The following METTL15 variants were observed in gnomAD, a reference collection of about 807,000 sequenced individuals.
METTL15 encodes 12S rRNA N(4)-cytidine methyltransferase METTL15.
A neutral mutation model predicts 38.3 loss-of-function variants in METTL15; 34 were observed. The ratio of observed to expected loss-of-function variants is 0.89; its 90% CI spans 0.68 to 1.18. The LOEUF (loss-of-function observed/expected upper bound fraction) is 1.18. METTL15 is among the 50% of genes most tolerant of loss of function. The pLI is 0.00. For missense variants in METTL15, 438 were observed against 498.4 expected, an observed-to-expected ratio of 0.88 and a Z score of 1.15; for synonymous variants, 162 against 170.9, an observed-to-expected ratio of 0.95 and a Z score of 0.41.
intron 5 of METTL15, among the ~76,000 whole-genome samples, chr11:28,384,312 T>G (rs1277302260): frequency 1.3e-5 from 2 of 150,408 alleles, no homozygotes; most frequent in African/African-American, 4.9e-5. Context: ...TTTTCTTTCT[T>G]TCTTTTTTTT....
rs1174856499 is a variant in METTL15, at chr11:28,160,213, A to AAT, written c.270+46622_270+46623dup. Among the ~76,000 whole-genome samples, 87 of 151,132 alleles carry AAT rather than the reference A, an allele frequency of 5.8e-4. 1 individual carries two copies. In the East Asian group the frequency reaches 9.7e-3, roughly 17 times the overall value. ...AACTGAGTTCCATGCAATATAATGG[A>AAT]ATATATATATATATTCCATTAGTTA... On this transcript the variant is annotated intron_variant, in intron 3 of 6. Transcript: ENST00000407364.
At chr11:28,130,075 T>C (rs1427492683) in intron 3 of METTL15, among the ~76,000 whole-genome samples, 1 of 152,062 alleles carries the variant, frequency 6.6e-6, no homozygotes, top group Non-Finnish European at 1.5e-5. Context: ...TTTGAGAGGC[T>C]GTAATTGGAG....
At chr11:28,138,247 A>T (rs1849579882) in intron 3 of METTL15, among the ~76,000 whole-genome samples, 1 of 152,208 alleles carries the variant, frequency 6.6e-6, no homozygotes, top group Non-Finnish European at 1.5e-5. Context: ...GAGAAAAATA[A>T]TTCATTTGAC....
intron 6 of METTL15, among the ~76,000 whole-genome samples, chr11:28,475,305 C>G (rs1851336600): frequency 6.6e-6 from 1 of 152,194 alleles, no homozygotes; most frequent in South Asian, 2.1e-4. Flanking sequence ...TTGCATGATC[C>G]TCTTCACCAG....
chr11:28,236,442 T>A (rs1333402408), intron 4 of METTL15, among the ~76,000 whole-genome samples: 4 of 152,172 alleles, frequency 2.6e-5, no homozygotes, highest in African/African-American at 9.7e-5. Flanking sequence ...GGTCCTGGAC[T>A]CTTTTTGGTT....
intron 6 of METTL15, among the ~76,000 whole-genome samples, chr11:28,303,382 T>C (rs1158664307): frequency 6.6e-6 from 1 of 152,186 alleles, no homozygotes; most frequent in African/African-American, 2.4e-5. Flanking sequence ...TGAAATTCAC[T>C]TGTAGTCTCA....
In METTL15 at chr11:28,276,284, A is replaced by G. The variant is rs939529479; in HGVS notation, c.408-13922A>G. ...AAATTAGCATACAAAAGTCAGTAAC[A>G]CTTTTATACACCAGTAATGATCTAA... On this transcript the variant is annotated intron_variant, in intron 4 of 6. Coordinates refer to ENST00000407364, the MANE Select transcript of METTL15 (RefSeq NM_001113528.2). 2.4e-4 allele frequency among the ~76,000 whole-genome samples: 37 copies of G among 152,136 alleles called. 1 individual carries two copies. The highest frequency in any genetic ancestry group is 4.4e-5 in the Non-Finnish European group (3 of 67,984).
chr11:28,469,902 T>TA (rs1422747038), intron 6 of METTL15, among the ~76,000 whole-genome samples: 1 of 152,156 alleles, frequency 6.6e-6, no homozygotes, highest in Non-Finnish European at 1.5e-5. Context: ...TAGCCTCTGT[T>TA]AAAACATATT....
chr11:28,501,387 G>A (rs1178348876), intron 6 of METTL15, among the ~76,000 whole-genome samples: 1 of 152,080 alleles, frequency 6.6e-6, no homozygotes, highest in African/African-American at 2.4e-5. Context: ...TAAGTGGAAA[G>A]AAAGCATGAA....
At position 28,330,429 on chromosome 11, in the gene METTL15, A is replaced by G; in HGVS notation, c.812A>G (p.Lys271Arg). The change falls in exon 7 of 7, where the codon AAA becomes AGA. Residue 271 changes from lysine (K) to arginine (R), a missense_variant. By Grantham distance (26) the Lys-to-Arg change is conservative (BLOSUM62 2). Transcript: ENST00000407364. ...AFPPSAIYTR[K>R]DLLQRSTHIA... ...CCTCCCTCTGCTATTTATACACGGAAAGACTTACTACAGCGATCTACCCAT... is the reference window on the plus strand; with the variant it reads ...CCTCCCTCTGCTATTTATACACGGAGAGACTTACTACAGCGATCTACCCAT... 6.5e-7 allele frequency: 1 copy of G among 1,549,632 alleles called. No homozygotes were observed. The highest frequency in any genetic ancestry group is 8.7e-7 in the Non-Finnish European group (1 of 1,146,482).
intron 6 of METTL15, among the ~76,000 whole-genome samples, chr11:28,457,771 C>T (rs936744124): frequency 1.3e-5 from 2 of 152,134 alleles, no homozygotes; most frequent in Non-Finnish European, 2.9e-5. Context: ...AAAGACTGGA[C>T]GTTGTTTCAT....
At chr11:28,224,750 C>A (rs1441350120) in intron 4 of METTL15, among the ~76,000 whole-genome samples, 1 of 151,616 alleles carries the variant, frequency 6.6e-6, no homozygotes, top group African/African-American at 2.4e-5. Flanking sequence ...TAATAAATAG[C>A]GAATATCTGA....
chr11:28,452,505 T>C (rs1851131863), intron 6 of METTL15, among the ~76,000 whole-genome samples: 1 of 152,194 alleles, frequency 6.6e-6, no homozygotes, highest in Non-Finnish European at 1.5e-5. Flanking sequence ...CATAACAGGG[T>C]ATAAACATTA....
At chr11:28,184,349 G>A (rs1371300313) in intron 3 of METTL15, among the ~76,000 whole-genome samples, 1 of 151,904 alleles carries the variant, frequency 6.6e-6, no homozygotes, top group Non-Finnish European at 1.5e-5. Flanking sequence ...TAATTGTGAT[G>A]TTAGAGTGTC....
chr11:28,239,662 C>G (rs1854201970), intron 4 of METTL15, among the ~76,000 whole-genome samples: 1 of 152,120 alleles, frequency 6.6e-6, no homozygotes, highest in South Asian at 2.1e-4. Context: ...TCCCAGCTAC[C>G]TTGCTGTTCT....
At chr11:28,484,619 C>T (rs1851423101) in intron 6 of METTL15, among the ~76,000 whole-genome samples, 1 of 152,046 alleles carries the variant, frequency 6.6e-6, no homozygotes, top group Non-Finnish European at 1.5e-5. Flanking sequence ...GCTGTATCTC[C>T]CCAACATCCT....
intron 3 of METTL15, chr11:28,125,753 CTGTTT>C (rs1420174341): frequency 6.6e-6 from 1 of 151,920 alleles, no homozygotes; most frequent in East Asian, 1.9e-4. Flanking sequence ...ATTGCTGTAA[CTGTTT>C]TGTTAAGTTC....
intron 3 of METTL15, among the ~76,000 whole-genome samples, chr11:28,198,677 C>T (rs1314702367): frequency 6.6e-6 from 1 of 152,086 alleles, no homozygotes; most frequent in African/African-American, 2.4e-5. Context: ...CAGACAGATA[C>T]TTGACCGAGC....
chr11:28,283,256 C>T (rs1240849581), intron 4 of METTL15, among the ~76,000 whole-genome samples: 2 of 152,064 alleles, frequency 1.3e-5, no homozygotes, highest in Non-Finnish European at 2.9e-5. Context: ...TATCCAGCAG[C>T]CCTGATTCTA....
Sources: gnomAD v4.1 joint callset for allele counts (sites outside exome capture counted in the v4.1 genomes callset) on GRCh38, gnomAD v4.1.1 for gene constraint, MANE v1.5 for transcripts, NCBI Gene and HGNC (gene_info 2026-07-23, HGNC 2026-07-21) for gene names.